The following PHF14 variants were observed in gnomAD, a reference collection of about 807,000 sequenced individuals.
PHF14 encodes the protein PHD finger protein 14.
In PHF14, 55 loss-of-function variants were observed where a neutral mutation model predicts 117.9. That is an observed-to-expected ratio of 0.47 (90% CI 0.38 to 0.58). The LOEUF (loss-of-function observed/expected upper bound fraction) is 0.58, where lower values mean the gene tolerates loss of function less well. Among genes scored for constraint, PHF14 ranks in the 20% least tolerant of loss-of-function variants. The pLI is 0.00. For missense variants in PHF14, 978 were observed against 1,122.2 expected (o/e 0.87, Z 1.84); for synonymous variants, 409 against 368.6 (o/e 1.11, Z -1.26).
At chr7:11,104,188 A>G (rs985291251) in intron 16 of PHF14, 2 of 983,340 alleles carry the variant, frequency 2.0e-6, no homozygotes, top group Non-Finnish European at 2.4e-6. Context: ...TTTGATTCCA[A>G]TTATAATACT....
intron 17 of PHF14, among the ~76,000 whole-genome samples, chr7:11,138,626 CAT>C (rs1200939055): frequency 3.9e-5 from 6 of 152,090 alleles, no homozygotes; most frequent in African/African-American, 1.4e-4. Context: ...ACATATAAAT[CAT>C]ATACTTAACA....
chr7:11,083,917 C>T (rs1343561895), intron 16 of PHF14, among the ~76,000 whole-genome samples: 1 of 152,072 alleles, frequency 6.6e-6, no homozygotes, highest in African/African-American at 2.4e-5. Context: ...GGAAAGCATT[C>T]CAGAGGAGAA....
chr7:11,061,725 T>A, intron 14 of PHF14, 66 bp from the exon 15 acceptor site: 2 of 1,176,834 alleles, frequency 1.7e-6, no homozygotes, highest in Admixed American at 3.3e-5. Flanking sequence ...TTTATATTTA[T>A]TATTAATTAA....
At chr7:11,102,708 A>T in intron 16 of PHF14, 1 of 1,407,426 alleles carries the variant, frequency 7.1e-7, no homozygotes, top group Non-Finnish European at 9.2e-7. Context: ...TGTTACTTGG[A>T]CTAACAAGGC....
intron 3 of PHF14, 122 bp from the exon 4 acceptor site, chr7:10,990,580 GA>G: frequency 1.7e-6 from 1 of 601,650 alleles, no homozygotes; most frequent in Non-Finnish European, 2.9e-6. Context: ...TAAAAGAATG[GA>G]AAATGGGGCA....
In PHF14 at chr7:11,034,592, A is replaced by C. The variant is rs1175230479; in HGVS notation, c.1456-1048A>C. Among the ~76,000 whole-genome samples the C allele has an allele frequency of 4.4e-5, 5 of 112,690 alleles. No homozygotes were observed. The East Asian group carries it at 1.5e-3, about 34-fold the overall frequency. 73.9% of individuals were successfully genotyped at this position (112,690 alleles called of 152,430 possible). ...GAGACAGACTGTCGCTCTGTCACCC[A>C]GGCTGGAGTGCAGTGGCGCGATCTC... On this transcript the variant is annotated intron_variant, in intron 7 of 17. Transcript: ENST00000634607.
At chr7:11,164,376 A>G (rs1412620244) in intron 17 of PHF14, among the ~76,000 whole-genome samples, 3 of 152,212 alleles carry the variant, frequency 2.0e-5, no homozygotes, top group African/African-American at 7.2e-5. Flanking sequence ...AAACAAGAAA[A>G]TGTGGCAAAG....
intron 17 of PHF14, among the ~76,000 whole-genome samples, chr7:11,164,819 C>T (rs1454190594): frequency 1.3e-5 from 2 of 152,354 alleles, no homozygotes; most frequent in East Asian, 3.9e-4. Flanking sequence ...AGTTTTCTCA[C>T]TAATGTCCTT....
At chr7:11,016,041 A>G (rs896554837) in intron 5 of PHF14, among the ~76,000 whole-genome samples, 1 of 152,136 alleles carries the variant, frequency 6.6e-6, no homozygotes, top group African/African-American at 2.4e-5. Context: ...ACAACTGGCA[A>G]AGTTGTTTCT....
intron 16 of PHF14, among the ~76,000 whole-genome samples, chr7:11,074,038 C>T (rs1262216784): frequency 6.6e-6 from 1 of 152,054 alleles, no homozygotes; most frequent in Non-Finnish European, 1.5e-5. Flanking sequence ...GACCTCTGGG[C>T]CTGTGATGGG....
At chr7:11,002,999 T>C (rs1412770697) in intron 4 of PHF14, among the ~76,000 whole-genome samples, 1 of 151,906 alleles carries the variant, frequency 6.6e-6, no homozygotes, top group African/African-American at 2.4e-5. Flanking sequence ...CAGGCTGGAG[T>C]GCAGTGGCAT....
rs1207474543 is a variant in PHF14, at chr7:10,974,316, G to T, written c.-8G>T. ...GTCTTCTCCAAACGACCACCTCACG[G>T]ATTCCTTAGTAAGTGTATCCGAGGC... is the stretch of plus-strand genomic sequence containing the variant. On this transcript the variant is annotated 5_prime_UTR_variant, in exon 1 of 18. Coordinates refer to ENST00000634607, the MANE Select transcript of PHF14 (RefSeq NM_001007157.2). The T allele has an allele frequency of 6.3e-7, 1 of 1,591,092 alleles. No individual in the cohort carries two copies. Among genetic ancestry groups the T allele is most frequent in the Middle Eastern group, 1.7e-4 (1 of 6,040 alleles).
chr7:11,083,862 T>C (rs77247123), intron 16 of PHF14, among the ~76,000 whole-genome samples: 12,713 of 152,174 alleles, frequency 0.084, 592 homozygotes, highest in African/African-American at 0.11. Context: ...AGTGGGGCTG[T>C]ACAAAAATTG....
At chr7:11,112,253 T>C (rs911063563) in intron 17 of PHF14, among the ~76,000 whole-genome samples, 1 of 152,220 alleles carries the variant, frequency 6.6e-6, no homozygotes, top group Non-Finnish European at 1.5e-5. Flanking sequence ...TGTTGTATTA[T>C]GGACATCCAG....
Position 11,062,835 on chromosome 7 carries a change from C to CT in PHF14, c.2654+753dup, listed in dbSNP as rs1287097974. The CT allele has an allele frequency of 3.0e-6, 3 of 984,968 alleles. No homozygotes were observed. The African/African-American group carries it at 5.2e-5, about 17-fold the overall frequency. The allele number at this position is 984,968 out of a possible 1,614,324, so 61.0% of individuals were successfully genotyped here. On this transcript the variant is annotated intron_variant, in intron 16 of 17. Transcript: ENST00000634607. ...GAGCTAATTTAAAAGAGGCATCAGA[C>CT]TTTCAAAGGACAGTGTCACAAAAGT...
chr7:11,114,348 C>T (rs887229272), intron 17 of PHF14, among the ~76,000 whole-genome samples: 4 of 152,010 alleles, frequency 2.6e-5, no homozygotes, highest in Admixed American at 2.0e-4. Context: ...ATACTGTCAG[C>T]AGCTATTTAT....
At chr7:10,998,851 T>A (rs893814006) in intron 4 of PHF14, among the ~76,000 whole-genome samples, 9 of 152,236 alleles carry the variant, frequency 5.9e-5, no homozygotes, top group Admixed American at 6.5e-5. Flanking sequence ...ATTATAATGC[T>A]GAGTACCATC....
intron 16 of PHF14, among the ~76,000 whole-genome samples, chr7:11,080,153 G>A (rs1347786395): frequency 1.3e-5 from 2 of 152,122 alleles, no homozygotes; most frequent in Admixed American, 6.5e-5. Flanking sequence ...GATAGAGGAA[G>A]TAACTTGCCA....
intron 16 of PHF14, chr7:11,102,370 C>G: frequency 3.8e-6 from 4 of 1,064,340 alleles, no homozygotes; most frequent in Non-Finnish European, 5.6e-6. Flanking sequence ...CTCTTTGGAC[C>G]AGATCATATG....
Sources: allele counts gnomAD v4.1 joint callset (sites outside exome capture counted in the v4.1 genomes callset), GRCh38; gene constraint gnomAD v4.1.1; transcripts MANE v1.5; gene names NCBI Gene and HGNC (gene_info 2026-07-23, HGNC 2026-07-21).